The following MOB1B variants were observed in gnomAD, a reference collection of about 807,000 sequenced individuals.
MOB1B encodes MOB1 Mps One Binder homolog B.
In MOB1B, 19 loss-of-function variants were observed where a neutral mutation model predicts 24.4. The observed-to-expected ratio is 0.78, with a 90% CI of 0.54 to 1.14. The LOEUF is 1.14. Ranked by LOEUF, MOB1B falls within the 50% of genes most tolerant of loss-of-function variation. The pLI is 0.00. For missense variants in MOB1B, 243 were observed against 259.6 expected, an observed-to-expected ratio of 0.94 and a Z score of 0.44; for synonymous variants, 76 against 82.1, an observed-to-expected ratio of 0.93 and a Z score of 0.40.
In MOB1B at chr4:70,915,915, A is replaced by G. The variant is rs182061705; in HGVS notation, c.14+13365A>G. ...TTGTTGCCTGATCATCTTAAGTTTG[A>G]TGGTCTCTAGGCGAGAGGAAATGAA... is the stretch of plus-strand genomic sequence containing the variant. On this transcript the variant is annotated intron_variant, in intron 1 of 5. Transcript: ENST00000309395. Among the ~76,000 whole-genome samples, 306 of 151,856 alleles carry G rather than the reference A, an allele frequency of 2.0e-3. 2 individuals carry two copies. Among genetic ancestry groups the G allele is most frequent in the African/African-American group, 7.2e-3 (295 of 41,240 alleles).
chr4:70,938,849 C>T (rs1010333754), intron 1 of MOB1B, among the ~76,000 whole-genome samples: 4 of 148,492 alleles, frequency 2.7e-5, no homozygotes, highest in African/African-American at 7.5e-5. Flanking sequence ...ATAGTCTTGG[C>T]TCACCACAGC....
chr4:70,904,341 A>G (rs1395439253), intron 1 of MOB1B, among the ~76,000 whole-genome samples: 1 of 152,000 alleles, frequency 6.6e-6, no homozygotes, highest in Non-Finnish European at 1.5e-5. Flanking sequence ...GAAGCTTCTC[A>G]TCTTGAGCTT....
intron 1 of MOB1B, among the ~76,000 whole-genome samples, chr4:70,952,067 A>G (rs973264495): frequency 6.6e-6 from 1 of 152,202 alleles, no homozygotes; most frequent in East Asian, 1.9e-4. Context: ...TTAAAAATGT[A>G]ACTGCTCTTT....
upstream of MOB1B, among the ~76,000 whole-genome samples, chr4:70,902,132 C>A (rs993095923): frequency 6.6e-6 from 1 of 152,192 alleles, no homozygotes; most frequent in Non-Finnish European, 1.5e-5. Context: ...GGCCGGGCAG[C>A]CGCGGCGCAC....
intron 1 of MOB1B, among the ~76,000 whole-genome samples, chr4:70,937,472 G>A (rs2148882663): frequency 6.6e-6 from 1 of 151,298 alleles, no homozygotes; most frequent in Admixed American, 6.6e-5. Context: ...TGGATATTAG[G>A]CTTCTTGACT....
intron 1 of MOB1B, among the ~76,000 whole-genome samples, chr4:70,943,679 G>A (rs576317971): frequency 1.2e-3 from 176 of 152,214 alleles, no homozygotes; most frequent in African/African-American, 4.0e-3. Context: ...AGGAGTTAAC[G>A]CACACTTCTC....
At chr4:70,919,864 A>T (rs188611836) in intron 1 of MOB1B, among the ~76,000 whole-genome samples, 163 of 152,320 alleles carry the variant, frequency 1.1e-3, no homozygotes, top group African/African-American at 3.5e-3. Context: ...TTTAATTTTG[A>T]TGTAAAACCT....
intron 4 of MOB1B, chr4:70,976,631 G>C: frequency 1.1e-6 from 1 of 942,932 alleles, no homozygotes; most frequent in Non-Finnish European, 1.3e-6. Flanking sequence ...GATTTTTTTT[G>C]AAAAAAAAAT....
intron 1 of MOB1B, among the ~76,000 whole-genome samples, chr4:70,913,814 A>G (rs916871560): frequency 6.6e-6 from 1 of 151,914 alleles, no homozygotes; most frequent in African/African-American, 2.4e-5. Flanking sequence ...GTGTTCGTTG[A>G]TATTTCTTGT....
intron 1 of MOB1B, among the ~76,000 whole-genome samples, chr4:70,948,571 GTC>G (rs199614836): frequency 0.011 from 1,636 of 152,102 alleles, 27 homozygotes; most frequent in African/African-American, 0.038. Flanking sequence ...ATATAATAGT[GTC>G]TCTGTTATTT....
intron 1 of MOB1B, among the ~76,000 whole-genome samples, chr4:70,910,849 C>T (rs189061347): frequency 6.6e-6 from 1 of 151,876 alleles, no homozygotes; most frequent in African/African-American, 2.4e-5. Context: ...AGTGCAGTGG[C>T]ATGATCTCAG....
At chr4:70,919,204 T>A (rs1401485888) in intron 1 of MOB1B, among the ~76,000 whole-genome samples, 2 of 152,000 alleles carry the variant, frequency 1.3e-5, no homozygotes, top group African/African-American at 4.8e-5. Flanking sequence ...ATATACCTAA[T>A]GCTAGATGAC....
intron 4 of MOB1B, 74 bp from the exon 5 acceptor site, chr4:70,979,054 T>G (rs1182677451): frequency 8.1e-7 from 1 of 1,227,254 alleles, no homozygotes; most frequent in Non-Finnish European, 1.2e-6. Flanking sequence ...TAATTTATGT[T>G]GACCTTTGCC....
chr4:70,979,599 G>C (rs554090910), intron 5 of MOB1B, among the ~76,000 whole-genome samples: 2 of 152,288 alleles, frequency 1.3e-5, no homozygotes, highest in South Asian at 4.1e-4. Context: ...GGATGAACTG[G>C]TTCTCCTGGG....
At chr4:70,971,665 C>T (rs1578399963) in intron 3 of MOB1B, among the ~76,000 whole-genome samples, 1 of 152,096 alleles carries the variant, frequency 6.6e-6, no homozygotes, top group African/African-American at 2.4e-5. Context: ...TTAATTCTTG[C>T]CAGTATTACT....
intron 1 of MOB1B, among the ~76,000 whole-genome samples, chr4:70,937,607 G>A (rs1349112519): frequency 6.6e-6 from 1 of 151,482 alleles, no homozygotes; most frequent in African/African-American, 2.4e-5. Flanking sequence ...TGCCTCCCAA[G>A]TTCAAGTGAT....
upstream of MOB1B, chr4:70,902,314 C>T: frequency 5.0e-6 from 3 of 598,628 alleles, no homozygotes; most frequent in South Asian, 1.9e-5. Flanking sequence ...TTTCCTTCCC[C>T]TCCCCTGGAG....
intron 1 of MOB1B, among the ~76,000 whole-genome samples, chr4:70,921,938 C>G (rs909995824): frequency 6.6e-6 from 1 of 152,124 alleles, no homozygotes; most frequent in African/African-American, 2.4e-5. Context: ...TAAACTTTTC[C>G]CACATCTTTC....
At chr4:70,913,111 T>C (rs1736060327) in intron 1 of MOB1B, among the ~76,000 whole-genome samples, 1 of 152,184 alleles carries the variant, frequency 6.6e-6, no homozygotes, top group South Asian at 2.1e-4. Flanking sequence ...TTTATGACCT[T>C]TACATTTTTG....
Sources: gnomAD v4.1 joint callset for allele counts (sites outside exome capture counted in the v4.1 genomes callset) on GRCh38, gnomAD v4.1.1 for gene constraint, MANE v1.5 for transcripts, NCBI Gene and HGNC (gene_info 2026-07-23, HGNC 2026-07-21) for gene names.